The following WAC variants were observed in gnomAD, a reference collection of about 807,000 sequenced individuals.
The protein encoded by WAC is WW domain-containing adapter protein with coiled-coil.
Under a neutral mutation model 79.6 loss-of-function variants are expected in WAC, and 11 were observed. That is an observed-to-expected ratio of 0.14 (90% CI 0.09 to 0.23). The LOEUF is 0.23. WAC is among the 10% of genes least tolerant of loss of function. The pLI is 1.00. For synonymous variants in WAC, 304 were observed against 276.9 expected (o/e 1.10, Z -0.97); for missense variants, 728 against 773.5 (o/e 0.94, Z 0.70).
At chr10:28,607,148 T>C (rs1466951703) in intron 7 of WAC, among the ~76,000 whole-genome samples, 1 of 151,936 alleles carries the variant, frequency 6.6e-6, no homozygotes, top group African/African-American at 2.4e-5. Context: ...AATAGTCTGA[T>C]TACCACTACT....
At chr10:28,600,491 A>G (rs901587300) in intron 7 of WAC, among the ~76,000 whole-genome samples, 1 of 152,174 alleles carries the variant, frequency 6.6e-6, no homozygotes, top group African/African-American at 2.4e-5. Context: ...CTTACTAAAT[A>G]TTCATGAAAA....
chr10:28,601,343 A>G (rs531226490), intron 7 of WAC, among the ~76,000 whole-genome samples: 18 of 152,270 alleles, frequency 1.2e-4, no homozygotes, highest in African/African-American at 3.1e-4. Context: ...GGGAAATGCA[A>G]TTCAAAAGCC....
intron 3 of WAC, among the ~76,000 whole-genome samples, chr10:28,547,298 G>A (rs1393529982): frequency 6.6e-6 from 1 of 152,128 alleles, no homozygotes; most frequent in East Asian, 1.9e-4. Context: ...GCTTTGGGAG[G>A]GCAAGGTGGG....
rs571427775 is a variant in WAC, at chr10:28,616,431, G to T, written c.1746+69G>T. 4 of 1,241,500 alleles carry T rather than the reference G, an allele frequency of 3.2e-6. No individual in the cohort carries two copies. The East Asian group carries it at 7.7e-5, about 24-fold the overall frequency. 76.9% of individuals were successfully genotyped at this position (1,241,500 alleles called of 1,614,324 possible). On this transcript the variant is annotated intron_variant, in intron 12 of 13. Coordinates refer to ENST00000354911, the MANE Select transcript of WAC (RefSeq NM_016628.5). Reference sequence around the variant, plus strand: ...AAACAGAATTTAATCAACTTCTAGAGAATCTAATGTGACCACTGAATTCAA... The same window carrying T: ...AAACAGAATTTAATCAACTTCTAGATAATCTAATGTGACCACTGAATTCAA...
rs574141419 is a variant in WAC at position 28,584,684 on chromosome 10, C to T, written c.381+1179C>T. On this transcript the variant is annotated intron_variant, in intron 4 of 13. Coordinates refer to ENST00000354911, the MANE Select transcript of WAC (RefSeq NM_016628.5). ...GTCTTAATTGACGTTGAAAGACCTT[C>T]AGATTTTATTTTTGTTTCTTGTTGA... Among the ~76,000 whole-genome samples the T allele has an allele frequency of 1.2e-3, 188 of 152,266 alleles. 2 individuals are homozygous for T. The highest frequency in any genetic ancestry group is 6.5e-4 in the Non-Finnish European group (44 of 68,028).
intron 2 of WAC, among the ~76,000 whole-genome samples, chr10:28,535,073 G>A (rs1306920021): frequency 2.0e-5 from 3 of 149,920 alleles, no homozygotes; most frequent in Non-Finnish European, 4.4e-5. Context: ...AGTTAGGTCT[G>A]AAATGCTTTA....
intron 3 of WAC, among the ~76,000 whole-genome samples, chr10:28,539,284 T>C (rs1836869856): frequency 6.6e-6 from 1 of 152,148 alleles, no homozygotes; most frequent in African/African-American, 2.4e-5. Context: ...AAGTGAGAAA[T>C]CAGGGATTGT....
intron 3 of WAC, among the ~76,000 whole-genome samples, chr10:28,573,666 TCA>T (rs1839093858): frequency 6.6e-6 from 1 of 152,160 alleles, no homozygotes; most frequent in Admixed American, 6.5e-5. Flanking sequence ...CAAATTAAAG[TCA>T]CATGTATAGT....
chr10:28,602,307 T>C (rs1314385673), intron 7 of WAC, among the ~76,000 whole-genome samples: 1 of 152,216 alleles, frequency 6.6e-6, no homozygotes, highest in Admixed American at 6.5e-5. Flanking sequence ...AAGAATACTT[T>C]CTTTGTTGTA....
intron 3 of WAC, among the ~76,000 whole-genome samples, chr10:28,576,313 C>T (rs780243677): frequency 6.6e-6 from 1 of 152,046 alleles, no homozygotes; most frequent in Non-Finnish European, 1.5e-5. Context: ...AGATAAGATA[C>T]GGCAGTACTG....
intron 5 of WAC, among the ~76,000 whole-genome samples, chr10:28,590,115 GT>G (rs1396810397): frequency 6.6e-6 from 1 of 152,066 alleles, no homozygotes; most frequent in Non-Finnish European, 1.5e-5. Context: ...GAGCCCAGGA[GT>G]TTGAGGCCAG....
Position 28,608,356 on chromosome 10 carries a change from A to C in WAC, c.1090A>C (p.Arg364=). 29 of 1,614,114 alleles carry C rather than the reference A, an allele frequency of 1.8e-5. No individual in the cohort carries two copies. Among genetic ancestry groups the C allele is most frequent in the Non-Finnish European group, 2.4e-5 (28 of 1,179,996 alleles). ...PPLLQDPNLL[R]QLLPALQATL... is the part of the protein sequence containing the mutation. ...CTTACTTCAGGACCCAAATCTTCTTAGACAATTGCTTCCTGCTTTGCAAGC... is the reference window on the plus strand; with the variant it reads ...CTTACTTCAGGACCCAAATCTTCTTCGACAATTGCTTCCTGCTTTGCAAGC... The change falls in exon 8 of 14, where the codon AGA becomes CGA. Residue 364 remains arginine (R), a synonymous_variant. Transcript: ENST00000354911.
intron 3 of WAC, among the ~76,000 whole-genome samples, chr10:28,536,681 C>T (rs944870325): frequency 6.6e-6 from 1 of 152,088 alleles, no homozygotes; most frequent in South Asian, 2.1e-4. Flanking sequence ...ATAAGTTTGC[C>T]TCAAGCTCTT....
At chr10:28,590,113 G>A (rs1840010709) in intron 5 of WAC, among the ~76,000 whole-genome samples, 1 of 152,044 alleles carries the variant, frequency 6.6e-6, no homozygotes, top group Admixed American at 6.6e-5. Flanking sequence ...TTGAGCCCAG[G>A]AGTTTGAGGC....
At chr10:28,549,549 T>C (rs1396421476) in intron 3 of WAC, among the ~76,000 whole-genome samples, 2 of 152,244 alleles carry the variant, frequency 1.3e-5, no homozygotes, top group African/African-American at 4.8e-5. Context: ...CTCATTGCCC[T>C]GTTTTAAAAT....
intron 8 of WAC, 98 bp downstream of exon 8, chr10:28,608,529 T>G: frequency 7.7e-7 from 1 of 1,304,714 alleles, no homozygotes; most frequent in Non-Finnish European, 1.0e-6. Context: ...TGTTTTCTTT[T>G]GAAATTTATA....
chr10:28,535,766 C>CT lies in WAC; in HGVS notation c.274+12dup. The CT allele has an allele frequency of 1.3e-6, 2 of 1,590,628 alleles. No homozygotes were observed. Among genetic ancestry groups the CT allele is most frequent in the South Asian group, 1.1e-5 (1 of 88,794 alleles). On this transcript the variant is annotated intron_variant, in intron 3 of 13. Transcript: ENST00000354911. ...TAGAGAGAGGGATGGTGGTGAGTATCTTTCTTGTTGAAACTTTGACATACA... is the reference window on the plus strand; with the variant it reads ...TAGAGAGAGGGATGGTGGTGAGTATCTTTTCTTGTTGAAACTTTGACATACA...
At chr10:28,589,928 T>C (rs745569937) in intron 5 of WAC, 77 bp downstream of exon 5, 3 of 1,121,496 alleles carry the variant, frequency 2.7e-6, no homozygotes, top group Non-Finnish European at 4.0e-6. Context: ...GCATTAAACA[T>C]TCTAATTTAG....
intron 13 of WAC, 141 bp from the exon 14 acceptor site, chr10:28,619,396 A>G (rs963301256): frequency 3.2e-5 from 20 of 621,582 alleles, no homozygotes; most frequent in Non-Finnish European, 4.6e-5. Flanking sequence ...AAACCAATTT[A>G]TAGTTAAATA....
Sources: allele counts gnomAD v4.1 joint callset (sites outside exome capture counted in the v4.1 genomes callset), GRCh38; gene constraint gnomAD v4.1.1; transcripts MANE v1.5; gene names NCBI Gene and HGNC (gene_info 2026-07-23, HGNC 2026-07-21).